Variants in SPTLC1 observed in about 807,000 individuals in gnomAD.
SPTLC1 encodes the protein serine palmitoyltransferase long chain base subunit 1.
SPTLC1 carries 55 observed loss-of-function variants against 68.9 expected under a neutral mutation model. That is an observed-to-expected ratio of 0.80 (90% CI 0.64 to 1.00). The LOEUF is 1.00. SPTLC1 is among the 50% of genes least tolerant of loss of function. SPTLC1 has a pLI of 0.00. For missense variants in SPTLC1, 449 were observed against 573.1 expected (o/e 0.78, Z 2.21); for synonymous variants, 197 against 201.6 (o/e 0.98, Z 0.19).
At chr9:92,049,465 A>T (rs1380419101) in intron 9 of SPTLC1, among the ~76,000 whole-genome samples, 1 of 152,100 alleles carries the variant, frequency 6.6e-6, no homozygotes, top group African/African-American at 2.4e-5. Context: ...TGCTGAATGC[A>T]TGCCAGTGGT....
At chr9:92,096,494 AG>A (rs1835534371) in intron 3 of SPTLC1, among the ~76,000 whole-genome samples, 1 of 152,226 alleles carries the variant, frequency 6.6e-6, no homozygotes, top group South Asian at 2.1e-4. Flanking sequence ...CCATTTTAAC[AG>A]GGCTCTCAAT....
chr9:92,067,525 G>C lies in SPTLC1; in HGVS notation c.560+441C>G, dbSNP rs182886780. 3.4e-3 allele frequency among the ~76,000 whole-genome samples: 517 copies of C among 152,330 alleles called. 3 individuals carry two copies. The highest frequency in any genetic ancestry group is 0.012 in the African/African-American group (501 of 41,574). The stretch of plus-strand genomic sequence containing the variant: ...GGCACGCGAGTGTGAAGATCCACTT[G>C]TGGGTAGTCAAAGAAGTGTCCAAGT... On this transcript the variant is annotated intron_variant, in intron 6 of 14. Coordinates refer to ENST00000262554, the MANE Select transcript of SPTLC1 (RefSeq NM_006415.4).
chr9:92,050,810 G>GTTTTTTTT (rs1564088122), intron 8 of SPTLC1: 2 of 72,266 alleles, frequency 2.8e-5, no homozygotes, highest in African/African-American at 2.6e-4. Context: ...GCACAATACT[G>GTTTTTTTT]ATTTTTTTTT....
intron 12 of SPTLC1, among the ~76,000 whole-genome samples, chr9:92,043,013 T>C (rs1469722025): frequency 6.6e-6 from 1 of 152,240 alleles, no homozygotes; most frequent in African/African-American, 2.4e-5. Context: ...GCCACCATCT[T>C]GTTTCTTAGT....
chr9:92,077,363 T>C lies in SPTLC1; in HGVS notation c.427+2653A>G, dbSNP rs555924377. ...AAAGACACCCTAGCCGGACGGTCAGTTCTTGTTAAGAACCTGACCCCTCAA... is the reference window on the plus strand; with the variant it reads ...AAAGACACCCTAGCCGGACGGTCAGCTCTTGTTAAGAACCTGACCCCTCAA... On this transcript the variant is annotated intron_variant, in intron 5 of 14. Transcript: ENST00000262554. Among the ~76,000 whole-genome samples the C allele has an allele frequency of 5.3e-5, 8 of 152,220 alleles. No individual in the cohort carries two copies. In the East Asian group the frequency reaches 1.4e-3, roughly 26 times the overall value.
intron 12 of SPTLC1, among the ~76,000 whole-genome samples, chr9:92,041,896 C>T (rs1022331209): frequency 2.6e-5 from 4 of 152,042 alleles, no homozygotes; most frequent in Admixed American, 2.0e-4. Flanking sequence ...TAAAGTTCAA[C>T]GTCTATTTAT....
At chr9:92,115,259 C>T in intron 1 of SPTLC1, 55 bp downstream of exon 1, 2 of 1,580,776 alleles carry the variant, frequency 1.3e-6, no homozygotes, top group Non-Finnish European at 1.7e-6. Flanking sequence ...CACGCGTCCT[C>T]CCACCCTCCC....
intron 6 of SPTLC1, among the ~76,000 whole-genome samples, chr9:92,066,464 C>A (rs1023727260): frequency 6.6e-6 from 1 of 152,078 alleles, no homozygotes; most frequent in Non-Finnish European, 1.5e-5. Flanking sequence ...GGAGGAGGAA[C>A]AGTGTTCTAG....
intron 8 of SPTLC1, 79 bp downstream of exon 8, chr9:92,055,326 A>G (rs1476572502): frequency 3.1e-6 from 5 of 1,600,766 alleles, no homozygotes; most frequent in Admixed American, 1.7e-5. Flanking sequence ...GACGTTATAC[A>G]CTAAAAGCGG....
At chr9:92,079,766 C>T (rs75703618) in intron 5 of SPTLC1, 34,311 of 654,638 alleles carry the variant, frequency 0.052, 1,152 homozygotes, top group Middle Eastern at 0.066. Flanking sequence ...GCACTCGTTC[C>T]TCACGCTGCA....
chr9:92,052,044 CAATCCCCACCAA>C (rs1403763377), intron 8 of SPTLC1, among the ~76,000 whole-genome samples: 1 of 152,132 alleles, frequency 6.6e-6, no homozygotes, highest in Non-Finnish European at 1.5e-5. Context: ...ATATTCAATG[CAATCCCCACCAA>C]AATCCCAACA....
rs548239341 is a variant in SPTLC1 at position 92,057,803 on chromosome 9, A to C, written c.690+1376T>G. On this transcript the variant is annotated intron_variant, in intron 7 of 14. Coordinates refer to ENST00000262554, the MANE Select transcript of SPTLC1 (RefSeq NM_006415.4). ...AAACCAAAATGTAGAGTTACTTAGA[A>C]AGCCTGCTCTCAGCAAGAAAAATAT... 3.9e-5 allele frequency among the ~76,000 whole-genome samples: 6 copies of C among 152,366 alleles called. No homozygotes were observed. In the East Asian group the frequency reaches 9.6e-4, roughly 24 times the overall value.
Position 92,115,366 on chromosome 9 carries a change from G to C in SPTLC1, c.5C>G (p.Ala2Gly), listed in dbSNP as rs778546770. The change falls in exon 1 of 15, where the codon GCG (alanine) becomes GGG (glycine). Residue 2 changes from alanine to glycine, a missense_variant. This residue lies in a region of SPTLC1 where 46 missense variants were observed against 57.8 expected (regional missense o/e 0.80). Coordinates refer to ENST00000262554, the MANE Select transcript of SPTLC1 (RefSeq NM_006415.4). M[A>G]TATEQWVLVE... Reference sequence around the variant, plus strand: ...CAGAACCCACTGCTCCGTGGCGGTCGCCATAGTTAGCCGCTTCCTTCCGGA... The same window carrying C: ...CAGAACCCACTGCTCCGTGGCGGTCCCCATAGTTAGCCGCTTCCTTCCGGA... 1.9e-6 allele frequency: 3 copies of C among 1,612,970 alleles called. No homozygotes were observed.
chr9:92,048,271 T>C (rs956572384), intron 9 of SPTLC1, among the ~76,000 whole-genome samples: 3 of 152,216 alleles, frequency 2.0e-5, no homozygotes, highest in African/African-American at 7.2e-5. Flanking sequence ...TACATCTTTC[T>C]GACCACTCAG....
intron 6 of SPTLC1, among the ~76,000 whole-genome samples, chr9:92,060,320 T>C (rs1354588721): frequency 1.3e-5 from 2 of 151,996 alleles, no homozygotes; most frequent in African/African-American, 4.8e-5. Flanking sequence ...CCAGAAGATA[T>C]CAAGTAGAAT....
chr9:92,042,004 T>C (rs562190909), intron 12 of SPTLC1, among the ~76,000 whole-genome samples: 55 of 152,234 alleles, frequency 3.6e-4, no homozygotes, highest in African/African-American at 1.2e-3. Flanking sequence ...GGCAGGAGGA[T>C]TGGTTGAGTC....
At chr9:92,041,608 T>C (rs1389645432) in intron 12 of SPTLC1, among the ~76,000 whole-genome samples, 3 of 151,988 alleles carry the variant, frequency 2.0e-5, no homozygotes, top group Non-Finnish European at 1.5e-5. Flanking sequence ...GCAGAAAGAG[T>C]GGAAAATAGC....
rs767296115 is a variant in SPTLC1 at position 92,079,971 on chromosome 9, A to C, written c.427+45T>G. ...ATGCCCAGCCTAAAATTGAATCTTAACTATTGAAAGCAGTAGTCTCAAAGA... is the reference window on the plus strand; with the variant it reads ...ATGCCCAGCCTAAAATTGAATCTTACCTATTGAAAGCAGTAGTCTCAAAGA... On this transcript the variant is annotated intron_variant, in intron 5 of 14. Coordinates refer to ENST00000262554, the MANE Select transcript of SPTLC1 (RefSeq NM_006415.4). The C allele has an allele frequency of 6.3e-5, 96 of 1,515,190 alleles. 1 individual carries two copies. In the South Asian group the frequency reaches 1.1e-3, roughly 17 times the overall value. 93.9% of individuals were successfully genotyped at this position (1,515,190 alleles called of 1,614,324 possible).
chr9:92,077,505 G>A (rs1428967553), intron 5 of SPTLC1, among the ~76,000 whole-genome samples: 1 of 152,054 alleles, frequency 6.6e-6, no homozygotes, highest in African/African-American at 2.4e-5. Context: ...GTGCCCATCA[G>A]ACGACCAGCC....
Sources: gnomAD v4.1 joint callset for allele counts (sites outside exome capture counted in the v4.1 genomes callset) on GRCh38, gnomAD v4.1.1 for gene constraint, gnomAD v4.1.1 regional missense constraint, MANE v1.5 for transcripts, NCBI Gene and HGNC (gene_info 2026-07-23, HGNC 2026-07-21) for gene names.